The following CACNA2D3 variants were observed in gnomAD, a reference collection of about 807,000 sequenced individuals.
CACNA2D3 encodes the protein calcium voltage-gated channel auxiliary subunit alpha2delta 3, also known as voltage-dependent calcium channel subunit alpha-2/delta-3.
In CACNA2D3, 60 loss-of-function variants were observed where a neutral mutation model predicts 160.6. That is an observed-to-expected ratio of 0.37 (90% CI 0.30 to 0.46). CACNA2D3 has a LOEUF of 0.46. Ranked by LOEUF, CACNA2D3 falls within the 20% of genes least tolerant of loss-of-function variation. The pLI is 1.00. For synonymous variants in CACNA2D3, 558 were observed against 492.9 expected, an observed-to-expected ratio of 1.13 and a Z score of -1.75; for missense variants, 1,205 against 1,365.0, an observed-to-expected ratio of 0.88 and a Z score of 1.85.
At chr3:54,798,004 T>G (rs1329290392) in intron 13 of CACNA2D3, among the ~76,000 whole-genome samples, 2 of 152,226 alleles carry the variant, frequency 1.3e-5, no homozygotes, top group Non-Finnish European at 2.9e-5. Context: ...GTCCCACACC[T>G]TTGATAGGTG....
chr3:54,715,124 G>A (rs906458140), intron 11 of CACNA2D3, among the ~76,000 whole-genome samples: 1 of 152,176 alleles, frequency 6.6e-6, no homozygotes, highest in East Asian at 1.9e-4. Context: ...GTAGTAGATT[G>A]TCACCTATAC....
chr3:54,141,470 G>A (rs905646368), intron 2 of CACNA2D3, among the ~76,000 whole-genome samples: 1 of 152,178 alleles, frequency 6.6e-6, no homozygotes, highest in Non-Finnish European at 1.5e-5. Context: ...CTGCTCATCT[G>A]CTTTCTCAGG....
At chr3:54,595,843 A>T (rs1241369666) in intron 9 of CACNA2D3, among the ~76,000 whole-genome samples, 1 of 152,142 alleles carries the variant, frequency 6.6e-6, no homozygotes, top group African/African-American at 2.4e-5. Context: ...AGATACAGTT[A>T]TACCTTATCA....
intron 5 of CACNA2D3, among the ~76,000 whole-genome samples, chr3:54,508,170 C>G (rs953383168): frequency 6.6e-6 from 1 of 152,276 alleles, no homozygotes; most frequent in East Asian, 1.9e-4. Context: ...TTGTGGAAGT[C>G]AGAAAGGCAG....
chr3:54,953,764 G>A, intron 27 of CACNA2D3, among the ~76,000 whole-genome samples: 1 of 152,130 alleles, frequency 6.6e-6, no homozygotes, highest in Non-Finnish European at 1.5e-5. Flanking sequence ...TTGACAGGCT[G>A]TGGGAATCAC....
chr3:55,015,244 A>G (rs34020280), intron 34 of CACNA2D3, among the ~76,000 whole-genome samples: 1 of 152,192 alleles, frequency 6.6e-6, no homozygotes, highest in Non-Finnish European at 1.5e-5. Context: ...TTAAACATAT[A>G]CATGCTGGAG....
chr3:55,005,787 G>A (rs940049274), intron 32 of CACNA2D3, among the ~76,000 whole-genome samples: 1 of 152,172 alleles, frequency 6.6e-6, no homozygotes, highest in African/African-American at 2.4e-5. Context: ...CAGACATAGT[G>A]TACCTCTGGA....
chr3:55,013,641 T>C (rs1455669469), intron 34 of CACNA2D3, among the ~76,000 whole-genome samples: 2 of 152,168 alleles, frequency 1.3e-5, no homozygotes, highest in Non-Finnish European at 2.9e-5. Context: ...ATGGAATCCA[T>C]AATTACACTG....
At chr3:54,862,992 A>G (rs1375836904) in intron 17 of CACNA2D3, among the ~76,000 whole-genome samples, 1 of 152,210 alleles carries the variant, frequency 6.6e-6, no homozygotes, top group Non-Finnish European at 1.5e-5. Flanking sequence ...TCAAAGGAAT[A>G]ATGTCAAAGA....
intron 17 of CACNA2D3, among the ~76,000 whole-genome samples, chr3:54,867,506 T>C (rs1012620850): frequency 6.2e-5 from 9 of 144,420 alleles, no homozygotes; most frequent in Non-Finnish European, 1.3e-4. Context: ...GACTACTCAA[T>C]GCTTAAGATC....
At chr3:55,074,077 C>CTATT (rs774365328) in intron 37 of CACNA2D3, 37 bp from the exon 38 acceptor site, 27 of 1,543,876 alleles carry the variant, frequency 1.7e-5, no homozygotes, top group Admixed American at 6.7e-5. Context: ...GTCCTGGAGT[C>CTATT]TATTTCCGTC....
chr3:54,967,327 T>C (rs188851792), intron 27 of CACNA2D3, among the ~76,000 whole-genome samples: 14 of 152,338 alleles, frequency 9.2e-5, no homozygotes, highest in Admixed American at 9.2e-4. Context: ...CAACAATGAT[T>C]ACCCAAATGG....
intron 4 of CACNA2D3, among the ~76,000 whole-genome samples, chr3:54,492,350 C>T (rs1435134951): frequency 1.3e-5 from 2 of 152,206 alleles, no homozygotes; most frequent in Non-Finnish European, 2.9e-5. Context: ...CTTCTGGAGT[C>T]ATCTTTACCA....
intron 9 of CACNA2D3, among the ~76,000 whole-genome samples, chr3:54,585,818 T>G (rs1034558887): frequency 1.3e-5 from 2 of 152,132 alleles, no homozygotes; most frequent in African/African-American, 4.8e-5. Context: ...GAGCTCAAAT[T>G]CAAGATGAGA....
chr3:54,128,563 A>G (rs1699643986), intron 2 of CACNA2D3, among the ~76,000 whole-genome samples: 1 of 152,100 alleles, frequency 6.6e-6, no homozygotes. Context: ...CCTGTCACAA[A>G]TCCTGATTTA....
chr3:54,312,334 C>T (rs1385383201), intron 2 of CACNA2D3, among the ~76,000 whole-genome samples: 1 of 152,140 alleles, frequency 6.6e-6, no homozygotes, highest in East Asian at 1.9e-4. Flanking sequence ...TTAACATGCA[C>T]CCACTCTTTG....
chr3:54,462,113 C>G (rs983853626), intron 4 of CACNA2D3, among the ~76,000 whole-genome samples: 2 of 152,188 alleles, frequency 1.3e-5, no homozygotes, highest in East Asian at 1.9e-4. Flanking sequence ...ATCTTGAGTT[C>G]TAGTTTGATT....
chr3:54,889,333 G>GATA (rs1700001750), intron 24 of CACNA2D3, among the ~76,000 whole-genome samples: 1 of 152,186 alleles, frequency 6.6e-6, no homozygotes, highest in Admixed American at 6.5e-5. Flanking sequence ...GAGAACAGAG[G>GATA]GTGATGGGGT....
At chr3:55,001,830 G>A (rs1041771912) in intron 31 of CACNA2D3, among the ~76,000 whole-genome samples, 4 of 152,168 alleles carry the variant, frequency 2.6e-5, no homozygotes, top group South Asian at 4.1e-4. Context: ...GTCAGGAAAC[G>A]AAGCCTTTGA....
Sources: gnomAD v4.1 joint callset for allele counts (sites outside exome capture counted in the v4.1 genomes callset) on GRCh38, gnomAD v4.1.1 for gene constraint, MANE v1.5 for transcripts, NCBI Gene and HGNC (gene_info 2026-07-23, HGNC 2026-07-21) for gene names.